The following ICA1 variants were observed in gnomAD, a reference collection of about 807,000 sequenced individuals.
The protein encoded by ICA1 is islet cell autoantigen 1, also known as 69 kDa islet cell autoantigen.
Under a neutral mutation model 71.0 loss-of-function variants are expected in ICA1, and 40 were observed. That is an observed-to-expected ratio of 0.56 (90% CI 0.44 to 0.73). ICA1 has a LOEUF of 0.73. Ranked by LOEUF, ICA1 falls within the 30% of genes least tolerant of loss-of-function variation. The pLI, the probability that ICA1 is intolerant of heterozygous loss-of-function variation, is 0.00. For missense variants in ICA1, 578 were observed against 576.5 expected (o/e 1.00, Z -0.03); for synonymous variants, 207 against 209.5 (o/e 0.99, Z 0.10).
At chr7:8,129,240 T>C (rs1790493865) in intron 12 of ICA1, among the ~76,000 whole-genome samples, 1 of 152,142 alleles carries the variant, frequency 6.6e-6, no homozygotes, top group Admixed American at 6.5e-5. Flanking sequence ...TGTTGTTAAT[T>C]CACAAAGAGA....
At chr7:8,243,131 C>G (rs1229099863) in intron 1 of ICA1, among the ~76,000 whole-genome samples, 1 of 152,206 alleles carries the variant, frequency 6.6e-6, no homozygotes, top group Non-Finnish European at 1.5e-5. Context: ...AATTTTAGAC[C>G]TATATCCCTG....
chr7:8,185,267 TA>T (rs1783552806), intron 6 of ICA1, among the ~76,000 whole-genome samples: 1 of 152,214 alleles, frequency 6.6e-6, no homozygotes, highest in African/African-American at 2.4e-5. Context: ...CACATCAATG[TA>T]CCTAATGTAC....
intron 10 of ICA1, among the ~76,000 whole-genome samples, chr7:8,140,714 C>T (rs113838412): frequency 7.2e-5 from 11 of 152,252 alleles, no homozygotes; most frequent in East Asian, 3.9e-4. Flanking sequence ...AGTACTTGTA[C>T]GTGAAGGTGT....
chr7:8,175,077 T>C (rs540764444), intron 6 of ICA1, among the ~76,000 whole-genome samples: 163 of 152,132 alleles, frequency 1.1e-3, no homozygotes, highest in African/African-American at 3.8e-3. Flanking sequence ...GGTTCAGCAC[T>C]TGAGGTAAGG....
At chr7:8,238,155 C>G (rs79215817) in intron 1 of ICA1, among the ~76,000 whole-genome samples, 1 of 152,128 alleles carries the variant, frequency 6.6e-6, no homozygotes, top group African/African-American at 2.4e-5. Flanking sequence ...TTCTTTTGCA[C>G]AAATACACAG....
Position 8,128,152 on chromosome 7 carries a change from G to GT in ICA1, c.1061-11dup. 6.2e-7 allele frequency: 1 copy of GT among 1,612,612 alleles called. No homozygotes were observed. Reference sequence around the variant, plus strand: ...ACTGGTCCCAGGCAAGCTGATTGAAGTAACAGAGAACAAAACGTCACCACG... The same window carrying GT: ...ACTGGTCCCAGGCAAGCTGATTGAAGTTAACAGAGAACAAAACGTCACCACG... On this transcript the variant is annotated splice_polypyrimidine_tract_variant and intron_variant, in intron 12 of 13. Transcript: ENST00000402384.
intron 6 of ICA1, among the ~76,000 whole-genome samples, chr7:8,171,593 C>A (rs1389720310): frequency 8.3e-6 from 1 of 120,532 alleles, no homozygotes; most frequent in Non-Finnish European, 2.0e-5. Context: ...CTTTTGATTT[C>A]TCTATTGTTT....
intron 5 of ICA1, among the ~76,000 whole-genome samples, chr7:8,220,890 A>T (rs1177792751): frequency 6.6e-6 from 1 of 152,032 alleles, no homozygotes; most frequent in Non-Finnish European, 1.5e-5. Flanking sequence ...CAGAGAGCAG[A>T]GAGGGAACCC....
Position 8,221,389 on chromosome 7 carries a change from TGAGAC to T in ICA1, c.261_265del (p.Ser88ArgfsTer17). 1 of 1,613,408 alleles carries T rather than the reference TGAGAC, an allele frequency of 6.2e-7. No individual in the cohort carries two copies. Among genetic ancestry groups the T allele is most frequent in the Non-Finnish European group, 8.5e-7 (1 of 1,179,494 alleles). On this transcript the variant is annotated frameshift_variant, in exon 5 of 14. Transcript: ENST00000402384. LOFTEE classifies it high-confidence loss of function. Reference sequence around the variant, plus strand: ...AAATTTTCCCAGTTCGTTTTCTTCTTGAGACAAGACTGATGAAGAAAAGACCAAAA... The same window carrying T: ...AAATTTTCCCAGTTCGTTTTCTTCTTAAGACTGATGAAGAAAAGACCAAAA...
In ICA1 at chr7:8,173,131, C is replaced by A. The variant is rs1185841918; in HGVS notation, c.580-14479G>T. Among the ~76,000 whole-genome samples the A allele has an allele frequency of 2.0e-5, 3 of 152,162 alleles. No individual in the cohort carries two copies. Among genetic ancestry groups the A allele is most frequent in the Non-Finnish European group, 2.9e-5 (2 of 68,032 alleles). On this transcript the variant is annotated intron_variant, in intron 6 of 13. Coordinates refer to ENST00000402384, the MANE Select transcript of ICA1 (RefSeq NM_001136020.3). This position sits in a 1 kb window ranked among gnomAD's most constrained non-coding sequence, Gnocchi z 4.0. The stretch of plus-strand genomic sequence containing the variant: ...CTACAAGTAACGGCTAACTTAGAAG[C>A]AATGAGGTCACGGCCTCTGACTATC...
At chr7:8,241,731 A>T (rs1803969497) in intron 1 of ICA1, among the ~76,000 whole-genome samples, 1 of 152,204 alleles carries the variant, frequency 6.6e-6, no homozygotes, top group South Asian at 2.1e-4. Context: ...TCTACCAAAC[A>T]AATGGAAAGC....
At chr7:8,126,703 C>T (rs1406397724) in intron 13 of ICA1, among the ~76,000 whole-genome samples, 1 of 152,086 alleles carries the variant, frequency 6.6e-6, no homozygotes, top group East Asian at 1.9e-4. Flanking sequence ...ATTAGGGAGA[C>T]AGCCTAAATT....
intron 6 of ICA1, among the ~76,000 whole-genome samples, chr7:8,189,276 T>C (rs1403426112): frequency 6.6e-6 from 1 of 152,150 alleles, no homozygotes; most frequent in African/African-American, 2.4e-5. Flanking sequence ...GGGTAGAGCT[T>C]TGATCAATTG....
intron 10 of ICA1, among the ~76,000 whole-genome samples, chr7:8,140,810 A>G (rs915430693): frequency 1.3e-5 from 2 of 152,222 alleles, no homozygotes; most frequent in African/African-American, 4.8e-5. Context: ...AGATAGGAGA[A>G]AAGCAAATAG....
chr7:8,194,721 C>A (rs755323228), intron 6 of ICA1, among the ~76,000 whole-genome samples: 2 of 152,008 alleles, frequency 1.3e-5, no homozygotes, highest in African/African-American at 4.8e-5. Flanking sequence ...AATGTTAGGG[C>A]GTTTTATATA....
chr7:8,153,437 T>A (rs1299509543), intron 8 of ICA1, among the ~76,000 whole-genome samples: 1 of 151,942 alleles, frequency 6.6e-6, no homozygotes, highest in Non-Finnish European at 1.5e-5. Context: ...AGAGGGAAAA[T>A]GGTCACTGAT....
At position 8,228,476 on chromosome 7, in the gene ICA1, C is replaced by T. The variant is rs558754540; in HGVS notation, c.256+125G>A. 337 of 504,668 alleles carry T rather than the reference C, an allele frequency of 6.7e-4. 6 individuals are homozygous for T. In the East Asian group the frequency reaches 0.011, roughly 16 times the overall value. The allele number at this position is 504,668 out of a possible 1,614,324, so 31.3% of individuals were successfully genotyped here. ...ATTGGTAAAATTATTAGAGACTCTC[C>T]TCCCAACGCCTGAAGACACAGACAA... On this transcript the variant is annotated intron_variant, in intron 4 of 13. Transcript: ENST00000402384.
At chr7:8,175,997 G>A (rs567838218) in intron 6 of ICA1, among the ~76,000 whole-genome samples, 1 of 152,126 alleles carries the variant, frequency 6.6e-6, no homozygotes, top group Non-Finnish European at 1.5e-5. Context: ...ACTTATGGAG[G>A]GCCTCCTGTT....
intron 6 of ICA1, among the ~76,000 whole-genome samples, chr7:8,178,121 T>C (rs1431041877): frequency 6.6e-6 from 1 of 152,214 alleles, no homozygotes. Context: ...AGCAGTTTCA[T>C]CTTTGTAAGT....
Sources: gnomAD v4.1 joint callset for allele counts (sites outside exome capture counted in the v4.1 genomes callset) on GRCh38, gnomAD v4.1.1 for gene constraint, Gnocchi (gnomAD v3.1) non-coding constraint, MANE v1.5 for transcripts, NCBI Gene and HGNC (gene_info 2026-07-23, HGNC 2026-07-21) for gene names.